USP47: variants seen among roughly 807,000 people sequenced by gnomAD.
USP47 encodes the protein ubiquitin carboxyl-terminal hydrolase 47.
A neutral mutation model predicts 165.1 loss-of-function variants in USP47; 35 were observed. That is an observed-to-expected ratio of 0.21 (90% CI 0.16 to 0.28). The LOEUF is 0.28. USP47 is among the 10% of genes least tolerant of loss of function. The pLI is 1.00. For missense variants in USP47, 1,277 were observed against 1,607.4 expected (o/e 0.79, Z 3.52); for synonymous variants, 531 against 544.5 (o/e 0.98, Z 0.35).
At chr11:11,884,446 C>T (rs10765894) in intron 2 of USP47, 21 bp from the exon 3 acceptor site, 1,074,842 of 1,503,662 alleles carry the variant, frequency 0.71, 386,006 homozygotes, top group African/African-American at 0.89. Context: ...TAATCTGAAA[C>T]ATTATGTTTT....
chr11:11,930,544 C>G, intron 13 of USP47, 152 bp from the exon 14 acceptor site: 3 of 642,486 alleles, frequency 4.7e-6, no homozygotes, highest in Non-Finnish European at 7.9e-6. Context: ...TTCCTCTTAT[C>G]TGGAATGTTT....
In USP47 at chr11:11,933,891, C is replaced by G. The variant is rs774074407; in HGVS notation, c.1825C>G (p.His609Asp). 21 of 1,609,580 alleles carry G rather than the reference C, an allele frequency of 1.3e-5. No homozygotes were observed. Among genetic ancestry groups the G allele is most frequent in the Non-Finnish European group, 1.4e-5 (16 of 1,177,150 alleles). Residue 609 changes from histidine (H) to aspartate (D), a missense_variant, in exon 16 of 28, where the codon CAT becomes GAT. Physicochemically the swap from His to Asp is moderately conservative, Grantham distance 81. This residue lies in a region of USP47 where 909 missense variants were observed against 1,068.1 expected (regional missense o/e 0.85). Coordinates refer to ENST00000527733, the MANE Select transcript of USP47 (RefSeq NM_001282659.2). Reference protein sequence around the residue: ...QVMMENKLEVHKDKTLKEAVE... With the variant: ...QVMMENKLEVDKDKTLKEAVE... ...AATGATGGAAAATAAATTGGAGGTT[C>G]ATAAGGATAAGACATTAAAGGAAGC...
chr11:11,897,637 G>C lies in USP47; in HGVS notation c.537G>C (p.Leu179Phe). 1 of 1,611,382 alleles carries C rather than the reference G, an allele frequency of 6.2e-7. No individual in the cohort carries two copies. Among genetic ancestry groups the C allele is most frequent in the Non-Finnish European group, 8.5e-7 (1 of 1,178,546 alleles). ...TAAACCAAGCAATGACTTGCTATTT[G>C]AATAGCCTTTTGCAAACACTTTTTA... is the stretch of plus-strand genomic sequence containing the variant. Reference protein sequence around the residue: ...GLVNQAMTCYLNSLLQTLFMT... With the variant: ...GLVNQAMTCYFNSLLQTLFMT... The change falls in exon 5 of 28, where the codon TTG becomes TTC. Residue 179 changes from leucine to phenylalanine, a missense_variant. Coordinates refer to ENST00000527733, the MANE Select transcript of USP47 (RefSeq NM_001282659.2).
chr11:11,879,568 C>T (rs1353447380), intron 1 of USP47, among the ~76,000 whole-genome samples: 1 of 152,016 alleles, frequency 6.6e-6, no homozygotes, highest in Non-Finnish European at 1.5e-5. Context: ...CCTTGTTTTT[C>T]CTTCCCCCTC....
chr11:11,889,213 AG>A (rs1414670903), intron 3 of USP47, among the ~76,000 whole-genome samples: 17 of 152,288 alleles, frequency 1.1e-4, no homozygotes, highest in African/African-American at 4.1e-4. Flanking sequence ...CAATCAGGCA[AG>A]AAAAAGAAAT....
rs1191027827 is a variant in USP47, at chr11:11,938,314, T to C, written c.2135T>C (p.Ile712Thr). ...DLKAESVAAP[I>T]TVRAYLNQTV... ...AAGGCAGAATCTGTAGCTGCTCCTATAACTGTTCGTGCTTACTTAAATCAG... is the reference window on the plus strand; with the variant it reads ...AAGGCAGAATCTGTAGCTGCTCCTACAACTGTTCGTGCTTACTTAAATCAG... The change falls in exon 18 of 28, where the codon ATA (isoleucine) becomes ACA (threonine). Residue 712 changes from isoleucine to threonine, a missense_variant. Ile to Thr is a moderately conservative substitution (Grantham distance 89, BLOSUM62 -1). This residue lies in a region of USP47 where 909 missense variants were observed against 1,068.1 expected (regional missense o/e 0.85). Transcript: ENST00000527733. 3 of 1,612,310 alleles carry C rather than the reference T, an allele frequency of 1.9e-6. 1 individual carries two copies. The highest frequency in any genetic ancestry group is 1.3e-5 in the African/African-American group (1 of 74,952).
At chr11:11,871,256 C>T (rs1239596183) in intron 1 of USP47, among the ~76,000 whole-genome samples, 1 of 151,564 alleles carries the variant, frequency 6.6e-6, no homozygotes, top group Non-Finnish European at 1.5e-5. Context: ...GTAATCTCAG[C>T]GCTTTGGGAG....
At chr11:11,929,963 G>A (rs1326376281) in intron 12 of USP47, 81 bp from the exon 13 acceptor site, 1 of 1,137,282 alleles carries the variant, frequency 8.8e-7, no homozygotes, top group East Asian at 2.4e-5. Flanking sequence ...TTAACTCTGA[G>A]GCTAAAGATT....
intron 1 of USP47, among the ~76,000 whole-genome samples, chr11:11,854,043 G>C (rs558155474): frequency 6.7e-6 from 1 of 149,888 alleles, no homozygotes; most frequent in Admixed American, 6.7e-5. Context: ...GCTGAGGCAG[G>C]AGAATGGCGT....
intron 2 of USP47, among the ~76,000 whole-genome samples, chr11:11,883,731 C>G (rs988326822): frequency 2.6e-5 from 4 of 152,164 alleles, no homozygotes; most frequent in Admixed American, 1.3e-4. Flanking sequence ...CCTCTCTCAT[C>G]CACCAGCTAG....
At chr11:11,919,412 TTAAC>T (rs1853662033) in intron 8 of USP47, among the ~76,000 whole-genome samples, 2 of 152,106 alleles carry the variant, frequency 1.3e-5, no homozygotes, top group South Asian at 2.1e-4. Flanking sequence ...ATATGCTATA[TTAAC>T]TAATTTTTTA....
intron 22 of USP47, chr11:11,948,836 G>C (rs1203957624): frequency 3.2e-6 from 1 of 313,770 alleles, no homozygotes; most frequent in African/African-American, 2.1e-5. Flanking sequence ...TCAGGCCACT[G>C]TTTGTCATCC....
At chr11:11,904,782 G>A (rs1360765731) in intron 7 of USP47, among the ~76,000 whole-genome samples, 1 of 152,024 alleles carries the variant, frequency 6.6e-6, no homozygotes, top group East Asian at 1.9e-4. Context: ...GAGAGAGGTG[G>A]ATTTTAAGAT....
At chr11:11,951,149 T>G (rs1856195457) in intron 24 of USP47, 1 of 152,294 alleles carries the variant, frequency 6.6e-6, no homozygotes, top group South Asian at 2.1e-4. Context: ...AACCTTGGCT[T>G]GTAGATACAT....
intron 20 of USP47, among the ~76,000 whole-genome samples, chr11:11,946,120 A>G (rs1333840544): frequency 6.6e-6 from 1 of 152,220 alleles, no homozygotes; most frequent in Non-Finnish European, 1.5e-5. Context: ...CAAAGTAATT[A>G]TAGCCAATAA....
chr11:11,952,770 C>T lies in USP47; in HGVS notation c.3613C>T (p.Leu1205Phe). ...GVEKMKSMSQ[L>F]AVLSRRWKPS... ...AGAGAAGATGAAGTCCATGTCACAGCTTGCAGTTTTGTCAAGACGGTGGAA... is the reference window on the plus strand; with the variant it reads ...AGAGAAGATGAAGTCCATGTCACAGTTTGCAGTTTTGTCAAGACGGTGGAA... The change falls in exon 25 of 28, where the codon CTT becomes TTT. Residue 1205 changes from leucine (L) to phenylalanine (F), a missense_variant. By Grantham distance (22) the Leu-to-Phe change is conservative. Transcript: ENST00000527733. 6.2e-7 allele frequency: 1 copy of T among 1,611,622 alleles called. No individual in the cohort carries two copies. Among genetic ancestry groups the T allele is most frequent in the African/African-American group, 1.3e-5 (1 of 74,804 alleles).
intron 2 of USP47, among the ~76,000 whole-genome samples, chr11:11,882,855 A>T (rs532912511): frequency 7.2e-5 from 11 of 152,290 alleles, no homozygotes; most frequent in Middle Eastern, 3.4e-3. Flanking sequence ...CTAGGCATTC[A>T]AAAAGCATTT....
chr11:11,888,706 G>A (rs1477285039), intron 3 of USP47, among the ~76,000 whole-genome samples: 1 of 152,114 alleles, frequency 6.6e-6, no homozygotes, highest in Non-Finnish European at 1.5e-5. Flanking sequence ...TTTGTATGAG[G>A]CCAGCCTCAT....
intron 8 of USP47, among the ~76,000 whole-genome samples, chr11:11,907,907 C>A (rs1590350498): frequency 1.3e-5 from 2 of 152,142 alleles, no homozygotes; most frequent in Non-Finnish European, 2.9e-5. Flanking sequence ...ACCAGTCTGA[C>A]AAACATGATG....
Sources: allele counts gnomAD v4.1 joint callset (sites outside exome capture counted in the v4.1 genomes callset), GRCh38; gene constraint gnomAD v4.1.1; regional missense constraint gnomAD v4.1.1; transcripts MANE v1.5; gene names NCBI Gene and HGNC (gene_info 2026-07-23, HGNC 2026-07-21).